The following BMP1 variants were observed in gnomAD, a reference collection of about 807,000 sequenced individuals.
The protein encoded by BMP1 is mammalian tolloid protein.
Under a neutral mutation model 116.8 loss-of-function variants are expected in BMP1, and 63 were observed. That is an observed-to-expected ratio of 0.54 (90% CI 0.44 to 0.67). BMP1 has a LOEUF of 0.67. Ranked by LOEUF, BMP1 falls within the 30% of genes least tolerant of loss-of-function variation. BMP1 has a pLI of 0.00. For missense variants in BMP1, 1,183 were observed against 1,358.9 expected (o/e 0.87, Z 2.04); for synonymous variants, 536 against 533.4 (o/e 1.00, Z -0.07).
intron 1 of BMP1, among the ~76,000 whole-genome samples, chr8:22,172,468 G>C (rs1828307763): frequency 6.6e-6 from 1 of 151,744 alleles, no homozygotes; most frequent in Non-Finnish European, 1.5e-5. Context: ...CTTTCTGCTT[G>C]GGCAGCCTAA....
At chr8:22,186,775 C>A (rs767261629) in intron 8 of BMP1, among the ~76,000 whole-genome samples, 16 of 152,086 alleles carry the variant, frequency 1.1e-4, no homozygotes, top group Non-Finnish European at 2.1e-4. Context: ...GTTTCCCCAA[C>A]TATAAAATGA....
chr8:22,190,317 CA>C (rs533205769), intron 8 of BMP1, among the ~76,000 whole-genome samples: 72 of 152,270 alleles, frequency 4.7e-4, no homozygotes, highest in African/African-American at 1.7e-3. Flanking sequence ...TAGTTAAACT[CA>C]TATATGAATT....
intron 8 of BMP1, among the ~76,000 whole-genome samples, chr8:22,188,699 C>T (rs544889454): frequency 1.3e-5 from 2 of 152,320 alleles, no homozygotes; most frequent in African/African-American, 4.8e-5. Flanking sequence ...CCTCTCTTGG[C>T]CAATGCAGGT....
At chr8:22,167,404 C>T (rs1045597488) in intron 1 of BMP1, among the ~76,000 whole-genome samples, 3 of 152,182 alleles carry the variant, frequency 2.0e-5, no homozygotes, top group African/African-American at 7.2e-5. Flanking sequence ...GAGTTTCCTG[C>T]CCCTCTGCAG....
At chr8:22,197,038 G>A (rs1354986907) in intron 14 of BMP1, among the ~76,000 whole-genome samples, 198 bp downstream of exon 14, 1 of 152,242 alleles carries the variant, frequency 6.6e-6, no homozygotes, top group Non-Finnish European at 1.5e-5. Context: ...CATGTAGCAA[G>A]TGGGAGGAAG....
chr8:22,199,154 C>T (rs1357508817), intron 15 of BMP1: 1 of 1,367,704 alleles, frequency 7.3e-7, no homozygotes, highest in East Asian at 4.6e-5. Flanking sequence ...CACACGCACA[C>T]ACATGTGCAC....
intron 9 of BMP1, 32 bp downstream of exon 9, chr8:22,192,183 A>T: frequency 6.4e-7 from 1 of 1,574,562 alleles, no homozygotes. Flanking sequence ...TGCCCCCTCC[A>T]TGCTGATTCC....
At chr8:22,187,794 T>A (rs970653597) in intron 8 of BMP1, among the ~76,000 whole-genome samples, 3 of 152,112 alleles carry the variant, frequency 2.0e-5, no homozygotes, top group African/African-American at 7.2e-5. Flanking sequence ...AAGTTAACAT[T>A]TATTGAGTGC....
Position 22,206,974 on chromosome 8 carries a change from T to A in BMP1, c.2354T>A (p.Val785Asp), listed in dbSNP as rs771470158. The change falls in exon 17 of 20, where the codon GTC becomes GAC. Residue 785 changes from valine (V) to aspartate (D), a missense_variant. By Grantham distance (152) the Val-to-Asp change is radical. Around this residue, in one of 4 missense-constraint regions of BMP1, gnomAD observed 956 missense variants for 1,135.2 expected, o/e 0.84. Coordinates refer to ENST00000306385, the MANE Select transcript of BMP1 (RefSeq NM_006129.5). ...WAISSTPGHR[V>D]KLTFMEMDIE... is the part of the protein sequence containing the mutation. ...ATCTCCAGCACCCCCGGGCACCGGG[T>A]CAAGCTGGTAAGGGGTCCCCTCCCC... 5 of 1,613,820 alleles carry A rather than the reference T, an allele frequency of 3.1e-6. No homozygotes were observed. The South Asian group carries it at 5.5e-5, about 18-fold the overall frequency.
intron 2 of BMP1, among the ~76,000 whole-genome samples, chr8:22,175,486 A>G (rs1166022152): frequency 6.6e-6 from 1 of 152,220 alleles, no homozygotes. Flanking sequence ...CACTGAAAAC[A>G]TTAGCAAATA....
Position 22,201,811 on chromosome 8 carries a change from G to T in BMP1, c.2116G>T (p.Glu706Ter). The T allele has an allele frequency of 6.2e-7, 1 of 1,613,718 alleles. No homozygotes were observed. The highest frequency in any genetic ancestry group is 2.2e-5 in the East Asian group (1 of 44,866). Residue 706 changes from glutamate to a stop codon, truncating the protein, a stop_gained, in exon 16 of 20, where the codon GAG (glutamate) becomes TAG (stop). Coordinates refer to ENST00000306385, the MANE Select transcript of BMP1 (RefSeq NM_006129.5). LOFTEE classifies it high-confidence loss of function. Reference protein sequence around the residue: ...FKAHFFSDKDECSKDNGGCQQ... With the variant: ...FKAHFFSDKD Reference sequence around the variant, plus strand: ...TATTTGCTCCCCTGCAGACAAGGACGAGTGCTCCAAGGATAACGGCGGCTG... The same window carrying T: ...TATTTGCTCCCCTGCAGACAAGGACTAGTGCTCCAAGGATAACGGCGGCTG...
chr8:22,190,475 T>G (rs1300235831), intron 8 of BMP1, among the ~76,000 whole-genome samples: 1 of 152,092 alleles, frequency 6.6e-6, no homozygotes, highest in Admixed American at 6.6e-5. Context: ...GGCTGGAAAC[T>G]GAATGGAGAG....
chr8:22,184,173 C>T (rs931917235), intron 8 of BMP1, among the ~76,000 whole-genome samples: 2 of 152,370 alleles, frequency 1.3e-5, no homozygotes, highest in African/African-American at 4.8e-5. Context: ...ACAAGACGGT[C>T]CCTGGCCCTG....
chr8:22,198,002 T>C (rs998567039), intron 15 of BMP1, among the ~76,000 whole-genome samples: 8 of 152,022 alleles, frequency 5.3e-5, no homozygotes, highest in Admixed American at 5.2e-4. Context: ...CTAGACAACA[T>C]AGCGAGACCC....
intron 1 of BMP1, chr8:22,171,445 A>G (rs1563237807): frequency 2.0e-5 from 3 of 152,238 alleles, no homozygotes. Context: ...AAAAATTTCA[A>G]CATTTACATA....
chr8:22,178,404 C>T (rs185998807), intron 6 of BMP1, among the ~76,000 whole-genome samples: 200 of 152,348 alleles, frequency 1.3e-3, no homozygotes, highest in African/African-American at 4.5e-3. Flanking sequence ...ATCGTCCCGT[C>T]TCAGCCTACT....
chr8:22,210,468 T>TCTCTCTCTCTCTCTCTCTCTCACACA (rs10664439), intron 19 of BMP1, among the ~76,000 whole-genome samples: 1 of 135,500 alleles, frequency 7.4e-6, no homozygotes, highest in African/African-American at 3.0e-5. Context: ...TCTCTCTCTC[T>TCTCTCTCTCTCTCTCTCTCTCACACA]CACACACATA....
chr8:22,179,326 G>A lies in BMP1; in HGVS notation c.837-379G>A, dbSNP rs1293596327. On this transcript the variant is annotated intron_variant, in intron 6 of 19. Transcript: ENST00000306385. This position sits in a 1 kb window ranked among gnomAD's most constrained non-coding sequence, Gnocchi z 4.6. ...AGTTAGGGCTGGAGCAGCATGAGGG[G>A]CTGCAGAAGCAGGGGCCCAGTGGGG... Among the ~76,000 whole-genome samples the A allele has an allele frequency of 1.3e-5, 2 of 152,236 alleles. No homozygotes were observed. Among genetic ancestry groups the A allele is most frequent in the Non-Finnish European group, 2.9e-5 (2 of 68,038 alleles).
chr8:22,179,644 C>CA lies in BMP1; in HGVS notation c.837-60dup. The CA allele has an allele frequency of 6.2e-7, 1 of 1,608,212 alleles. No individual in the cohort carries two copies. Among genetic ancestry groups the CA allele is most frequent in the South Asian group, 1.1e-5 (1 of 90,412 alleles). ...GACTTGTGGGTACAGATGGGCATGC[C>CA]ACCCACTCCCTGCCCACTGTCCATG... On this transcript the variant is annotated intron_variant, in intron 6 of 19. Transcript: ENST00000306385. The surrounding 1 kb of genome is among the most constrained non-coding windows in gnomAD (Gnocchi z 4.6).
Sources: gnomAD v4.1 joint callset for allele counts (sites outside exome capture counted in the v4.1 genomes callset) on GRCh38, gnomAD v4.1.1 for gene constraint, gnomAD v4.1.1 regional missense constraint, Gnocchi (gnomAD v3.1) non-coding constraint, MANE v1.5 for transcripts, NCBI Gene and HGNC (gene_info 2026-07-23, HGNC 2026-07-21) for gene names.